Variants in ZFAND3 observed in about 807,000 individuals in gnomAD.
ZFAND3 encodes zinc finger AN1-type containing 3, also known as AN1-type zinc finger protein 3.
Under a neutral mutation model 29.6 loss-of-function variants are expected in ZFAND3, and 10 were observed. That is an observed-to-expected ratio of 0.34 (90% CI 0.21 to 0.57). ZFAND3 has a LOEUF of 0.57. Ranked by LOEUF, ZFAND3 falls within the 20% of genes least tolerant of loss-of-function variation. The pLI, the probability that ZFAND3 is intolerant of heterozygous loss-of-function variation, is 0.86. For missense variants in ZFAND3, 230 were observed against 304.5 expected (o/e 0.76, Z 1.82); for synonymous variants, 128 against 112.6 (o/e 1.14, Z -0.87).
At chr6:37,866,171 G>A (rs2127386117) in intron 1 of ZFAND3, among the ~76,000 whole-genome samples, 1 of 152,300 alleles carries the variant, frequency 6.6e-6, no homozygotes, top group South Asian at 2.1e-4. Context: ...AGCTCTGTTT[G>A]TCCCAGGTGG....
intron 2 of ZFAND3, among the ~76,000 whole-genome samples, chr6:38,047,176 G>A (rs1202918135): frequency 6.6e-6 from 1 of 151,906 alleles, no homozygotes; most frequent in Non-Finnish European, 1.5e-5. Flanking sequence ...AATTAGCTGA[G>A]TGGTGGCACA....
At chr6:37,929,595 A>G (rs1344847252) in intron 1 of ZFAND3, among the ~76,000 whole-genome samples, 2 of 152,212 alleles carry the variant, frequency 1.3e-5, no homozygotes, top group Non-Finnish European at 2.9e-5. Context: ...AAAAGAGGGA[A>G]TGTGGTAATC....
intron 4 of ZFAND3, among the ~76,000 whole-genome samples, chr6:38,113,988 A>G (rs1325229608): frequency 6.6e-6 from 1 of 152,252 alleles, no homozygotes; most frequent in Non-Finnish European, 1.5e-5. Flanking sequence ...TCAGGGTCTG[A>G]GCAGTTCTGT....
intron 5 of ZFAND3, among the ~76,000 whole-genome samples, chr6:38,146,453 C>T (rs1014812596): frequency 5.3e-5 from 8 of 152,144 alleles, no homozygotes; most frequent in African/African-American, 1.9e-4. Context: ...CCTTTGAAAT[C>T]GAGGGCTCAT....
intron 1 of ZFAND3, among the ~76,000 whole-genome samples, chr6:37,888,198 A>C (rs1027640779): frequency 3.9e-5 from 6 of 152,076 alleles, no homozygotes; most frequent in African/African-American, 1.2e-4. Context: ...AAATTTTTGC[A>C]GGTTTGATTA....
At chr6:38,136,111 G>C (rs1765838382) in intron 5 of ZFAND3, among the ~76,000 whole-genome samples, 1 of 152,166 alleles carries the variant, frequency 6.6e-6, no homozygotes, top group Non-Finnish European at 1.5e-5. Flanking sequence ...ACCTGAGAGA[G>C]GTGTTTGGAC....
chr6:37,826,658 C>G (rs1306893350), intron 1 of ZFAND3, among the ~76,000 whole-genome samples: 1 of 151,272 alleles, frequency 6.6e-6, no homozygotes, highest in Non-Finnish European at 1.5e-5. Context: ...GAGGCTGAGG[C>G]AGTAGATTCG....
intron 2 of ZFAND3, among the ~76,000 whole-genome samples, chr6:38,017,659 G>A (rs1415228161): frequency 6.6e-6 from 1 of 151,622 alleles, no homozygotes; most frequent in African/African-American, 2.4e-5. Flanking sequence ...GGAGAGACCT[G>A]GTGTTTGTGT....
In ZFAND3 at chr6:37,859,435, T is replaced by C. The variant is rs550237539; in HGVS notation, c.71+39419T>C. 2.0e-5 allele frequency among the ~76,000 whole-genome samples: 3 copies of C among 152,366 alleles called. No homozygotes were observed. The South Asian group carries it at 6.2e-4, about 32-fold the overall frequency. On this transcript the variant is annotated intron_variant, in intron 1 of 5. Coordinates refer to ENST00000287218, the MANE Select transcript of ZFAND3 (RefSeq NM_021943.3). Reference sequence around the variant, plus strand: ...TTCTCTTCATCGCTCTTCCATACCATCTGTAGCTATGATTGTCTGTAGTTG... The same window carrying C: ...TTCTCTTCATCGCTCTTCCATACCACCTGTAGCTATGATTGTCTGTAGTTG...
intron 1 of ZFAND3, among the ~76,000 whole-genome samples, chr6:37,912,962 C>A (rs1765549486): frequency 6.6e-6 from 1 of 152,198 alleles, no homozygotes; most frequent in African/African-American, 2.4e-5. Context: ...TTATACCATA[C>A]TGCAGTCTGT....
chr6:37,921,697 T>C (rs1039224173), intron 1 of ZFAND3, among the ~76,000 whole-genome samples: 5 of 152,054 alleles, frequency 3.3e-5, no homozygotes, highest in Non-Finnish European at 7.4e-5. Flanking sequence ...AAAAAAAATT[T>C]AGAAGAAACA....
At position 38,142,161 on chromosome 6, in the gene ZFAND3, C is replaced by T. The variant is rs1161452933; in HGVS notation, c.530-10074C>T. On this transcript the variant is annotated intron_variant, in intron 5 of 5. Coordinates refer to ENST00000287218, the MANE Select transcript of ZFAND3 (RefSeq NM_021943.3). The stretch of plus-strand genomic sequence containing the variant: ...GTTGAAACTAAGTTACAGGTCTCTC[C>T]CTACCCCAGTTTCTCATCTTCATAC... The T allele has an allele frequency of 6.4e-6, 3 of 470,616 alleles. No individual in the cohort carries two copies. In the East Asian group the frequency reaches 2.1e-4, roughly 33 times the overall value. 29.2% of individuals were successfully genotyped at this position (470,616 alleles called of 1,614,324 possible). A position where few individuals can be genotyped will look rare whatever the true frequency, so the allele number is the denominator to read the frequency against.
At chr6:38,085,890 C>T (rs1417871892) in intron 4 of ZFAND3, among the ~76,000 whole-genome samples, 1 of 152,126 alleles carries the variant, frequency 6.6e-6, no homozygotes, top group African/African-American at 2.4e-5. Context: ...AAAATTAGCT[C>T]TAAGGATTAG....
chr6:37,953,441 C>CTTTTTTTTTT (rs35182018), intron 2 of ZFAND3, among the ~76,000 whole-genome samples: 1 of 106,222 alleles, frequency 9.4e-6, no homozygotes, highest in Non-Finnish European at 1.8e-5. Flanking sequence ...GCATAATTAT[C>CTTTTTTTTTT]TTTTTTTTTT....
At chr6:37,839,203 C>CA (rs1165368605) in intron 1 of ZFAND3, among the ~76,000 whole-genome samples, 5 of 147,310 alleles carry the variant, frequency 3.4e-5, no homozygotes, top group African/African-American at 1.0e-4. Flanking sequence ...TTTTTTGAGA[C>CA]AGAGTCTTAC....
chr6:37,989,499 C>G (rs1181766919), intron 2 of ZFAND3, among the ~76,000 whole-genome samples: 1 of 152,078 alleles, frequency 6.6e-6, no homozygotes. Flanking sequence ...GGCACTGATC[C>G]CATTCGTAAG....
chr6:37,909,389 C>T (rs1765478568), intron 1 of ZFAND3, among the ~76,000 whole-genome samples: 1 of 151,406 alleles, frequency 6.6e-6, no homozygotes, highest in African/African-American at 2.4e-5. Context: ...AAGTGAGTCT[C>T]CTGCCTCAGC....
intron 2 of ZFAND3, among the ~76,000 whole-genome samples, chr6:37,979,969 G>C (rs1762552375): frequency 6.6e-6 from 1 of 152,142 alleles, no homozygotes; most frequent in African/African-American, 2.4e-5. Flanking sequence ...ATTTTAATCA[G>C]ATCATTAAAC....
chr6:37,946,726 G>T (rs543167292), intron 2 of ZFAND3, among the ~76,000 whole-genome samples: 1 of 152,230 alleles, frequency 6.6e-6, no homozygotes, highest in Non-Finnish European at 1.5e-5. Context: ...AAGTGTTTTT[G>T]CTATAGCGTG....
Sources: allele counts gnomAD v4.1 joint callset (sites outside exome capture counted in the v4.1 genomes callset), GRCh38; gene constraint gnomAD v4.1.1; transcripts MANE v1.5; gene names NCBI Gene and HGNC (gene_info 2026-07-23, HGNC 2026-07-21).